The following TCF12 variants were observed in gnomAD, a reference collection of about 807,000 sequenced individuals.
TCF12 encodes the protein DNA-binding protein HTF4.
TCF12 carries 45 observed loss-of-function variants against 86.0 expected under a neutral mutation model. The observed-to-expected ratio is 0.52, with a 90% CI of 0.41 to 0.67. The LOEUF (loss-of-function observed/expected upper bound fraction) is 0.67. Among genes scored for constraint, TCF12 ranks in the 30% least tolerant of loss-of-function variants. The probability of loss-of-function intolerance (pLI) is 0.00; values close to 1 mark genes in which losing one functional copy is unlikely to be tolerated. For missense variants in TCF12, 881 were observed against 859.9 expected (o/e 1.02, Z -0.31); for synonymous variants, 330 against 299.6 (o/e 1.10, Z -1.05).
At chr15:56,978,199 G>A (rs924787173) in intron 3 of TCF12, among the ~76,000 whole-genome samples, 15 of 152,062 alleles carry the variant, frequency 9.9e-5, no homozygotes, top group African/African-American at 3.6e-4. Context: ...AACAAAACTC[G>A]GTTCATTGTA....
chr15:56,947,164 T>C (rs1186544826), intron 3 of TCF12, among the ~76,000 whole-genome samples: 1 of 152,182 alleles, frequency 6.6e-6, no homozygotes, highest in African/African-American at 2.4e-5. Context: ...CTTTACTGAA[T>C]GCTTTGGGCA....
chr15:57,123,982 A>AAAAAAAAAT (rs1555511574), intron 5 of TCF12, among the ~76,000 whole-genome samples: 12 of 111,206 alleles, frequency 1.1e-4, no homozygotes, highest in African/African-American at 3.3e-4. Flanking sequence ...AAAAAAAAAA[A>AAAAAAAAAT]TTTTTTTTTT....
chr15:56,958,678 A>AGTGT (rs55707134), intron 3 of TCF12, among the ~76,000 whole-genome samples: 3,751 of 142,134 alleles, frequency 0.026, 125 homozygotes, highest in African/African-American at 0.082. Context: ...AGAGAGAGAG[A>AGTGT]GTGTGTGTGT....
chr15:56,979,912 G>A (rs1304058669), intron 3 of TCF12, among the ~76,000 whole-genome samples: 1 of 152,156 alleles, frequency 6.6e-6, no homozygotes, highest in African/African-American at 2.4e-5. Flanking sequence ...AAAATTTCCT[G>A]TTAATCGTAA....
intron 3 of TCF12, among the ~76,000 whole-genome samples, chr15:56,996,991 TG>T (rs1479219243): frequency 6.6e-6 from 1 of 152,158 alleles, no homozygotes; most frequent in Non-Finnish European, 1.5e-5. Context: ...GGCAATGCTA[TG>T]GAAAAAAGGG....
chr15:57,276,611 A>G (rs2061407096), intron 19 of TCF12, among the ~76,000 whole-genome samples: 1 of 152,174 alleles, frequency 6.6e-6, no homozygotes, highest in Non-Finnish European at 1.5e-5. Context: ...GAAATTTCAG[A>G]GCATTCGGGT....
chr15:57,028,193 C>T (rs1315744521), intron 3 of TCF12, among the ~76,000 whole-genome samples: 1 of 152,132 alleles, frequency 6.6e-6, no homozygotes, highest in East Asian at 1.9e-4. Context: ...GTCTTGAACT[C>T]CTGACCTCAG....
At chr15:56,961,014 C>T (rs1288970114) in intron 3 of TCF12, among the ~76,000 whole-genome samples, 1 of 151,298 alleles carries the variant, frequency 6.6e-6, no homozygotes, top group African/African-American at 2.4e-5. Context: ...GTGGCGGGCA[C>T]CTGTAATCCC....
At chr15:57,194,904 T>C (rs1439446439) in intron 7 of TCF12, among the ~76,000 whole-genome samples, 3 of 152,180 alleles carry the variant, frequency 2.0e-5, no homozygotes, top group Non-Finnish European at 4.4e-5. Flanking sequence ...CTTATATTTA[T>C]GTATTTTTCT....
At chr15:57,042,914 G>A (rs1261037856) in intron 3 of TCF12, among the ~76,000 whole-genome samples, 1 of 152,060 alleles carries the variant, frequency 6.6e-6, no homozygotes, top group East Asian at 1.9e-4. Context: ...TTGAATAACA[G>A]TTCCCCACTC....
chr15:57,115,992 A>G (rs2050809017), intron 5 of TCF12, among the ~76,000 whole-genome samples: 1 of 152,212 alleles, frequency 6.6e-6, no homozygotes, highest in Admixed American at 6.5e-5. Context: ...TAGCATTTAC[A>G]TAGTTCCTTA....
chr15:57,166,549 A>G (rs1226893315), intron 6 of TCF12, 83 bp downstream of exon 6: 4 of 1,208,982 alleles, frequency 3.3e-6, no homozygotes, highest in Non-Finnish European at 4.7e-6. Flanking sequence ...GATAGAAATT[A>G]TCCAATTTAT....
At chr15:57,111,048 T>C (rs947804363) in intron 5 of TCF12, among the ~76,000 whole-genome samples, 1 of 152,236 alleles carries the variant, frequency 6.6e-6, no homozygotes, top group African/African-American at 2.4e-5. Flanking sequence ...GTTAGTCCCA[T>C]AGATTGGACT....
At chr15:57,073,017 A>G (rs781054918) in intron 4 of TCF12, among the ~76,000 whole-genome samples, 4 of 152,192 alleles carry the variant, frequency 2.6e-5, no homozygotes, top group Non-Finnish European at 5.9e-5. Context: ...GCACATACTG[A>G]TCAGATTGCC....
In TCF12 at chr15:57,282,513, G is replaced by A. The variant is rs1173533707; in HGVS notation, c.2047G>A (p.Ala683Thr). 3 of 1,614,228 alleles carry A rather than the reference G, an allele frequency of 1.9e-6. No individual in the cohort carries two copies. The highest frequency in any genetic ancestry group is 1.3e-5 in the African/African-American group (1 of 75,068). ...REEEKVSAVS[A>T]EPPTTLPGTH... ...AGAAGAAAAAGTTTCTGCCGTATCG[G>A]CAGAGCCGCCAACCACACTGCCAGG... is the stretch of plus-strand genomic sequence containing the variant. The change falls in exon 20 of 21, where the codon GCA (alanine) becomes ACA (threonine). Residue 683 changes from alanine to threonine, a missense_variant. Transcript: ENST00000333725.
At chr15:57,271,842 A>G (rs1327112665) in intron 18 of TCF12, among the ~76,000 whole-genome samples, 1 of 152,154 alleles carries the variant, frequency 6.6e-6, no homozygotes, top group African/African-American at 2.4e-5. Flanking sequence ...TACAGTCTTT[A>G]TTATGTATGT....
At chr15:57,267,001 C>A (rs2060901475) in intron 18 of TCF12, among the ~76,000 whole-genome samples, 1 of 152,136 alleles carries the variant, frequency 6.6e-6, no homozygotes, top group Admixed American at 6.5e-5. Context: ...TGCATTCTAG[C>A]CTGGCTAACA....
chr15:57,164,326 A>G (rs1489838014), intron 5 of TCF12, among the ~76,000 whole-genome samples: 1 of 152,168 alleles, frequency 6.6e-6, no homozygotes, highest in Non-Finnish European at 1.5e-5. Flanking sequence ...AAGACTGTGT[A>G]ATTTATAAAG....
Position 57,213,720 on chromosome 15 carries a change from G to T in TCF12, c.579+15895G>T, listed in dbSNP as rs2058213938. ...GGCCAAAAGAAGAAACAAAAAAACG[G>T]GTGGCACTTTCTTTAAGAGACAGCT... On this transcript the variant is annotated intron_variant, in intron 8 of 20. Coordinates refer to ENST00000333725, the MANE Select transcript of TCF12 (RefSeq NM_207037.2). Among the ~76,000 whole-genome samples the T allele has an allele frequency of 2.0e-5, 3 of 152,034 alleles. No homozygotes were observed. In the South Asian group the frequency reaches 6.2e-4, roughly 32 times the overall value.
Sources: gnomAD v4.1 joint callset for allele counts (sites outside exome capture counted in the v4.1 genomes callset) on GRCh38, gnomAD v4.1.1 for gene constraint, MANE v1.5 for transcripts, NCBI Gene and HGNC (gene_info 2026-07-23, HGNC 2026-07-21) for gene names.